Variants in PAX8 observed in about 807,000 individuals in gnomAD.
The protein encoded by PAX8 is paired box protein Pax-8.
A neutral mutation model predicts 52.4 loss-of-function variants in PAX8; 15 were observed. The ratio of observed to expected loss-of-function variants is 0.29; its 90% CI spans 0.19 to 0.44. PAX8 has a LOEUF of 0.44. Among genes scored for constraint, PAX8 ranks in the 20% least tolerant of loss-of-function variants. PAX8 has a pLI of 1.00. For missense variants in PAX8, 554 were observed against 602.5 expected (o/e 0.92, Z 0.84); for synonymous variants, 284 against 249.7 (o/e 1.14, Z -1.29).
At chr2:113,259,900 C>T (rs1004869804) in intron 2 of PAX8, among the ~76,000 whole-genome samples, 2 of 152,200 alleles carry the variant, frequency 1.3e-5, no homozygotes, top group African/African-American at 4.8e-5. Flanking sequence ...AGGGTCTCTG[C>T]GTTTGGGGAG....
At chr2:113,278,664 G>T in intron 1 of PAX8, 167 bp downstream of exon 1, 1 of 646,088 alleles carries the variant, frequency 1.5e-6, no homozygotes, top group Non-Finnish European at 2.5e-6. Flanking sequence ...GGAGTGCGCT[G>T]AAGAAGCTCC....
In PAX8 at chr2:113,235,291, G is replaced by C. The variant is rs1437627213; in HGVS notation, c.1087+103C>G. ...CGGAGGAATTAGGGAACAGGGTGGG[G>C]GTGGATGAGACTGAGGCCAGAGAGG... On this transcript the variant is annotated intron_variant, in intron 9 of 11. Coordinates refer to ENST00000429538, the MANE Select transcript of PAX8 (RefSeq NM_003466.4). 3 of 943,574 alleles carry C rather than the reference G, an allele frequency of 3.2e-6. No homozygotes were observed. In the African/African-American group the frequency reaches 5.0e-5, roughly 16 times the overall value. 58.5% of individuals were successfully genotyped at this position (943,574 alleles called of 1,614,324 possible). A position where few individuals can be genotyped will look rare whatever the true frequency, so the allele number is the denominator to read the frequency against.
chr2:113,251,372 G>A (rs950661695), intron 2 of PAX8, among the ~76,000 whole-genome samples: 1 of 151,990 alleles, frequency 6.6e-6, no homozygotes, highest in Non-Finnish European at 1.5e-5. Context: ...TGGGCGGGAA[G>A]TGGGGTGAGG....
chr2:113,244,306 T>C, intron 4 of PAX8, 121 bp downstream of exon 4: 1 of 802,674 alleles, frequency 1.2e-6, no homozygotes, highest in Non-Finnish European at 2.2e-6. Context: ...TGCCTGATTG[T>C]TCAGCATCAG....
At chr2:113,256,660 A>G (rs1692287538) in intron 2 of PAX8, among the ~76,000 whole-genome samples, 1 of 151,588 alleles carries the variant, frequency 6.6e-6, no homozygotes, top group African/African-American at 2.4e-5. Flanking sequence ...GTGTGTATAT[A>G]TATATATAGA....
chr2:113,248,624 G>A (rs1394797628), intron 2 of PAX8, among the ~76,000 whole-genome samples: 1 of 152,124 alleles, frequency 6.6e-6, no homozygotes, highest in African/African-American at 2.4e-5. Context: ...CTCCTCAGGG[G>A]CCCAAGCTGT....
chr2:113,220,325 A>C (rs1573397971), intron 10 of PAX8, 147 bp from the exon 11 acceptor site: 123 of 654,504 alleles, frequency 1.9e-4, no homozygotes, highest in Middle Eastern at 4.1e-4. Flanking sequence ...AATGGAGCTC[A>C]GAAGGTCCCT....
At chr2:113,271,165 T>G (rs886694462) in intron 2 of PAX8, 5 of 152,144 alleles carry the variant, frequency 3.3e-5, no homozygotes, top group Non-Finnish European at 5.9e-5. Context: ...TGGCCACCAC[T>G]CCTAGCTATG....
In PAX8 at chr2:113,218,627, AAAT is replaced by A. The variant is rs1689106764; in HGVS notation, c.1277-21_1277-19del. 3.3e-6 allele frequency: 5 copies of A among 1,510,672 alleles called. No individual in the cohort carries two copies. The South Asian group carries it at 6.0e-5, about 18-fold the overall frequency. 93.6% of individuals were successfully genotyped at this position (1,510,672 alleles called of 1,614,324 possible). A position where few individuals can be genotyped will look rare whatever the true frequency, so the allele number is the denominator to read the frequency against. On this transcript the variant is annotated intron_variant, in intron 11 of 11. Transcript: ENST00000429538. ...TGGGGAACCTGGACACATTAAAAAAAAATAACAACAACACTGCTGGTCAGAAAG... is the reference window on the plus strand; with the variant it reads ...TGGGGAACCTGGACACATTAAAAAAAAACAACAACACTGCTGGTCAGAAAG...
chr2:113,228,235 A>G (rs569877211), intron 9 of PAX8, among the ~76,000 whole-genome samples: 1 of 152,196 alleles, frequency 6.6e-6, no homozygotes, highest in Non-Finnish European at 1.5e-5. Flanking sequence ...TGCAGGCCCC[A>G]ATCAGATTCT....
Position 113,244,628 on chromosome 2 carries a change from C to G in PAX8, c.192-4G>C. On this transcript the variant is annotated splice_region_variant and splice_polypyrimidine_tract_variant and intron_variant, in intron 3 of 11. Coordinates refer to ENST00000429538, the MANE Select transcript of PAX8 (RefSeq NM_003466.4). Reference sequence around the variant, plus strand: ...GATGCTGCCAGTCTCGTAGTACCTACTCCAATAGAGAATCCCAAAGAATTA... The same window carrying G: ...GATGCTGCCAGTCTCGTAGTACCTAGTCCAATAGAGAATCCCAAAGAATTA... 1.2e-6 allele frequency: 2 copies of G among 1,613,836 alleles called. No individual in the cohort carries two copies. Among genetic ancestry groups the G allele is most frequent in the Non-Finnish European group, 1.7e-6 (2 of 1,179,734 alleles).
intron 2 of PAX8, chr2:113,269,692 G>C (rs1271189553): frequency 1.3e-5 from 2 of 152,246 alleles, no homozygotes; most frequent in African/African-American, 2.4e-5. Context: ...GACAGAGGCA[G>C]GTGGGGAGGG....
intron 10 of PAX8, among the ~76,000 whole-genome samples, chr2:113,221,363 C>G (rs11123170): frequency 0.35 from 53,527 of 152,054 alleles, 9,547 homozygotes; most frequent in South Asian, 0.44. Flanking sequence ...GTCTCCTTCC[C>G]CAGACTCTTT....
chr2:113,264,466 A>T (rs988483339), intron 2 of PAX8, among the ~76,000 whole-genome samples: 1 of 152,364 alleles, frequency 6.6e-6, no homozygotes, highest in East Asian at 1.9e-4. Flanking sequence ...GAAAAACTTC[A>T]TGTACAAAAC....
At chr2:113,230,115 G>A (rs1213416665) in intron 9 of PAX8, among the ~76,000 whole-genome samples, 2 of 152,224 alleles carry the variant, frequency 1.3e-5, no homozygotes, top group Non-Finnish European at 2.9e-5. Context: ...CTGGCACCCA[G>A]TGTTGAGAAG....
intron 8 of PAX8, 183 bp downstream of exon 8, chr2:113,236,418 C>T (rs891725524): frequency 2.6e-4 from 143 of 559,966 alleles, no homozygotes; most frequent in Non-Finnish European, 4.0e-4. Context: ...GAGGCGCGAC[C>T]CCTCGGCCCA....
intron 6 of PAX8, 119 bp downstream of exon 6, chr2:113,241,889 A>G (rs1280860461): frequency 7.1e-7 from 1 of 1,418,030 alleles, no homozygotes; most frequent in African/African-American, 1.4e-5. Flanking sequence ...GACATGTGAC[A>G]GTCACATGCA....
chr2:113,216,257 C>T lies in PAX8; in HGVS notation c.*2276G>A, dbSNP rs189067014. The T allele has an allele frequency of 1.6e-3, 369 of 231,208 alleles. No homozygotes were observed. The highest frequency in any genetic ancestry group is 5.0e-3 in the East Asian group (82 of 16,306). 14.3% of individuals were successfully genotyped at this position (231,208 alleles called of 1,614,324 possible). ...GAAGTTCTGCCATTGAAAAACCAGCCGCATCTCAGATCCCTTCAGAAGAGA... is the reference window on the plus strand; with the variant it reads ...GAAGTTCTGCCATTGAAAAACCAGCTGCATCTCAGATCCCTTCAGAAGAGA... On this transcript the variant is annotated 3_prime_UTR_variant, in exon 12 of 12. Transcript: ENST00000429538.
rs985213722 is a variant in PAX8, at chr2:113,218,707, A to G, written c.1277-98T>C. On this transcript the variant is annotated intron_variant, in intron 11 of 11. Transcript: ENST00000429538. ...ATCTGCTGACCTTTAAGACAACACA[A>G]GTTAATCATTCATTTCTCTGGCCTA... 1.7e-5 allele frequency: 12 copies of G among 709,434 alleles called. No individual in the cohort carries two copies. The South Asian group carries it at 2.1e-4, about 13-fold the overall frequency. The allele number at this position is 709,434 out of a possible 1,614,324, so 43.9% of individuals were successfully genotyped here.
Sources: allele counts gnomAD v4.1 joint callset (sites outside exome capture counted in the v4.1 genomes callset), GRCh38; gene constraint gnomAD v4.1.1; transcripts MANE v1.5; gene names NCBI Gene and HGNC (gene_info 2026-07-23, HGNC 2026-07-21).